The following SPTAN1 variants were observed in gnomAD, a reference collection of about 807,000 sequenced individuals.
The protein encoded by SPTAN1 is spectrin alpha, non-erythrocytic 1.
Under a neutral mutation model 331.3 loss-of-function variants are expected in SPTAN1, and 61 were observed. That is an observed-to-expected ratio of 0.18 (90% CI 0.15 to 0.23). The LOEUF (loss-of-function observed/expected upper bound fraction) is 0.23. Ranked by LOEUF, SPTAN1 falls within the 10% of genes least tolerant of loss-of-function variation. SPTAN1 has a pLI of 1.00. For synonymous variants in SPTAN1, 1,153 were observed against 1,173.9 expected (o/e 0.98, Z 0.36); for missense variants, 2,043 against 3,147.9 (o/e 0.65, Z 8.40).
chr9:128,584,546 TA>T (rs779728504), intron 17 of SPTAN1, 21 bp downstream of exon 17: 2 of 1,613,926 alleles, frequency 1.2e-6, no homozygotes. Context: ...TTCCCTCAGG[TA>T]GGAATCAACT....
Position 128,633,259 on chromosome 9 carries a change from C to T in SPTAN1, c.7359C>T (p.Tyr2453=), listed in dbSNP as rs138634476. The part of the protein sequence containing the change: ...ADYCVSHMKP[Y]VDGKGRELPT... Reference sequence around the variant, plus strand: ...ACTGCGTCTCCCACATGAAGCCCTACGTGGACGGCAAGGGCCGCGAGCTCC... The same window carrying T: ...ACTGCGTCTCCCACATGAAGCCCTATGTGGACGGCAAGGGCCGCGAGCTCC... Residue 2453 remains tyrosine (Y), a synonymous_variant, in exon 57 of 57, where the codon TAC becomes TAT. Transcript: ENST00000372739. 2.7e-4 allele frequency: 432 copies of T among 1,614,068 alleles called. 1 individual carries two copies. Among genetic ancestry groups the T allele is most frequent in the Middle Eastern group, 8.2e-4 (5 of 6,062 alleles).
chr9:128,603,066 C>T (rs888843415), intron 27 of SPTAN1, among the ~76,000 whole-genome samples: 10 of 152,156 alleles, frequency 6.6e-5, no homozygotes, highest in Admixed American at 2.0e-4. Flanking sequence ...AAGCCGTTGC[C>T]CTTCAACGGG....
chr9:128,591,438 G>A lies in SPTAN1; in HGVS notation c.3007-39G>A, dbSNP rs199983545. On this transcript the variant is annotated intron_variant, in intron 21 of 56. Transcript: ENST00000372739. Reference sequence around the variant, plus strand: ...ACCTCCTTGGATTCTCCCTCTCAGAGAAGGAATTTACTTTCAGTTCTCCCT... The same window carrying A: ...ACCTCCTTGGATTCTCCCTCTCAGAAAAGGAATTTACTTTCAGTTCTCCCT... 64 of 1,613,648 alleles carry A rather than the reference G, an allele frequency of 4.0e-5. 1 individual carries two copies. The East Asian group carries it at 1.4e-3, about 35-fold the overall frequency.
At position 128,625,627 on chromosome 9, in the gene SPTAN1, A is replaced by C; in HGVS notation, c.6070-142A>C. On this transcript the variant is annotated intron_variant, in intron 47 of 56. Transcript: ENST00000372739. The surrounding 1 kb of genome is among the most constrained non-coding windows in gnomAD (Gnocchi z 4.1). ...TCTGAAGGAGAGCAGGAAAGGGGGC[A>C]TGTGTGACTGAGTCTCAGCAGTGTC... is the stretch of plus-strand genomic sequence containing the variant. 5.0e-6 allele frequency: 4 copies of C among 793,594 alleles called. No individual in the cohort carries two copies. The highest frequency in any genetic ancestry group is 8.7e-6 in the Non-Finnish European group (4 of 459,366). The allele number at this position is 793,594 out of a possible 1,614,324, so 49.2% of individuals were successfully genotyped here.
chr9:128,611,673 A>G (rs751993867), intron 37 of SPTAN1, 41 bp from the exon 38 acceptor site: 1 of 1,611,176 alleles, frequency 6.2e-7, no homozygotes, highest in Non-Finnish European at 8.5e-7. Context: ...GACATAACCT[A>G]GCAGGAACTG....
chr9:128,616,357 T>G (rs1353453060), intron 41 of SPTAN1, among the ~76,000 whole-genome samples: 1 of 151,420 alleles, frequency 6.6e-6, no homozygotes, highest in Non-Finnish European at 1.5e-5. Context: ...TCACCTGACC[T>G]CAAGTGATCC....
chr9:128,626,645 G>A lies in SPTAN1; in HGVS notation c.6534G>A (p.Glu2178=), dbSNP rs370113838. 35 of 1,613,296 alleles carry A rather than the reference G, an allele frequency of 2.2e-5. No individual in the cohort carries two copies. The highest frequency in any genetic ancestry group is 3.3e-5 in the South Asian group (3 of 91,024). Residue 2178 remains glutamate, a synonymous_variant, in exon 49 of 57, where the codon GAG becomes GAA. Coordinates refer to ENST00000372739, the MANE Select transcript of SPTAN1 (RefSeq NM_001130438.3). Reference sequence around the variant, plus strand: ...ACCCCTACACCTGGTTTACCATGGAGGCCCTGGAGGAGACCTGGAGGAACC... The same window carrying A: ...ACCCCTACACCTGGTTTACCATGGAAGCCCTGGAGGAGACCTGGAGGAACC... ...ASNPYTWFTM[E]ALEETWRNLQ... is the part of the protein sequence containing the mutation.
intron 45 of SPTAN1, among the ~76,000 whole-genome samples, chr9:128,623,122 C>T (rs1233843166): frequency 1.3e-5 from 2 of 152,076 alleles, no homozygotes; most frequent in Non-Finnish European, 1.5e-5. Flanking sequence ...GTGGCACGAT[C>T]TCGGCTCACT....
chr9:128,622,606 C>T (rs1858050169), intron 45 of SPTAN1, among the ~76,000 whole-genome samples: 1 of 151,644 alleles, frequency 6.6e-6, no homozygotes, highest in Non-Finnish European at 1.5e-5. Flanking sequence ...GCCAGCGAGC[C>T]GGCTGCTTTG....
intron 26 of SPTAN1, chr9:128,599,482 G>T (rs372552458): frequency 2.6e-4 from 39 of 151,468 alleles, no homozygotes; most frequent in South Asian, 8.6e-4. Flanking sequence ...AAAAAAGTTG[G>T]TTTTTTTTTT....
intron 26 of SPTAN1, 162 bp downstream of exon 26, chr9:128,599,148 T>C: frequency 1.3e-6 from 1 of 772,664 alleles, no homozygotes; most frequent in Non-Finnish European, 2.3e-6. Context: ...GATTTCTTTT[T>C]TTTTGAGACG....
At chr9:128,571,534 G>A (rs552613874) in intron 3 of SPTAN1, among the ~76,000 whole-genome samples, 11 of 152,288 alleles carry the variant, frequency 7.2e-5, no homozygotes, top group Middle Eastern at 3.4e-3. Context: ...GAAGTGAGCC[G>A]AGATCCTGCC....
At chr9:128,621,884 A>G (rs1428474761) in intron 45 of SPTAN1, 1 of 161,678 alleles carries the variant, frequency 6.2e-6, no homozygotes, top group Non-Finnish European at 1.4e-5. Context: ...GACTGAAGGC[A>G]GTGTGTCCGT....
Position 128,625,675 on chromosome 9 carries a change from C to G in SPTAN1, c.6070-94C>G. 8.3e-7 allele frequency: 1 copy of G among 1,205,138 alleles called. No individual in the cohort carries two copies. The allele number at this position is 1,205,138 out of a possible 1,614,324, so 74.7% of individuals were successfully genotyped here. A position where few individuals can be genotyped will look rare whatever the true frequency, so the allele number is the denominator to read the frequency against. Reference sequence around the variant, plus strand: ...GTCCAGGTGGACAGTTTGGCTTGGGCATCTGGGGGACATGCTGGTGCCATC... The same window carrying G: ...GTCCAGGTGGACAGTTTGGCTTGGGGATCTGGGGGACATGCTGGTGCCATC... On this transcript the variant is annotated intron_variant, in intron 47 of 56. Coordinates refer to ENST00000372739, the MANE Select transcript of SPTAN1 (RefSeq NM_001130438.3). This position sits in a 1 kb window ranked among gnomAD's most constrained non-coding sequence, Gnocchi z 4.1.
intron 37 of SPTAN1, among the ~76,000 whole-genome samples, chr9:128,610,768 C>T (rs1856475640): frequency 6.6e-6 from 1 of 152,100 alleles, no homozygotes; most frequent in Admixed American, 6.6e-5. Flanking sequence ...CTTTCATTTC[C>T]CAGTAAAATA....
chr9:128,571,081 A>C (rs1375541477), intron 3 of SPTAN1, among the ~76,000 whole-genome samples: 1 of 152,166 alleles, frequency 6.6e-6, no homozygotes, highest in African/African-American at 2.4e-5. Context: ...TGAGCTCAGG[A>C]GTTCAAAACC....
Position 128,625,897 on chromosome 9 carries a change from C to G in SPTAN1, c.6198C>G (p.Leu2066=), listed in dbSNP as rs138305416. The G allele has an allele frequency of 9.9e-6, 16 of 1,614,232 alleles. No individual in the cohort carries two copies. The highest frequency in any genetic ancestry group is 1.3e-5 in the Non-Finnish European group (15 of 1,180,044). Residue 2066 remains leucine (L), a synonymous_variant, in exon 48 of 57, where the codon CTC becomes CTG. Coordinates refer to ENST00000372739, the MANE Select transcript of SPTAN1 (RefSeq NM_001130438.3). This position sits in a 1 kb window ranked among gnomAD's most constrained non-coding sequence, Gnocchi z 4.1. ...CCATCGAGGCCCGGCACGCCTCCCTCATGAAGAGGTGGAGCCAGCTTCTGG... is the reference window on the plus strand; with the variant it reads ...CCATCGAGGCCCGGCACGCCTCCCTGATGAAGAGGTGGAGCCAGCTTCTGG... ...SKAIEARHAS[L]MKRWSQLLAN... is the part of the protein sequence containing the mutation.
At chr9:128,606,570 G>A (rs530807829) in intron 31 of SPTAN1, among the ~76,000 whole-genome samples, 7 of 149,718 alleles carry the variant, frequency 4.7e-5, no homozygotes, top group Admixed American at 2.7e-4. Context: ...CGCAACCTCC[G>A]CCTCCTGGGT....
In SPTAN1 at chr9:128,582,686, T is replaced by C. The variant is rs751909640; in HGVS notation, c.1651-8T>C. On this transcript the variant is annotated splice_region_variant and splice_polypyrimidine_tract_variant and intron_variant, in intron 13 of 56. Coordinates refer to ENST00000372739, the MANE Select transcript of SPTAN1 (RefSeq NM_001130438.3). ...ACTAGAGACTCACAGGGGATCCTTG[T>C]CTTTCAGCTGTTGAGCCGCCGCAAT... 1 of 1,612,946 alleles carries C rather than the reference T, an allele frequency of 6.2e-7. No individual in the cohort carries two copies. The highest frequency in any genetic ancestry group is 1.1e-5 in the South Asian group (1 of 91,086).
Sources: gnomAD v4.1 joint callset for allele counts (sites outside exome capture counted in the v4.1 genomes callset) on GRCh38, gnomAD v4.1.1 for gene constraint, Gnocchi (gnomAD v3.1) non-coding constraint, MANE v1.5 for transcripts, NCBI Gene and HGNC (gene_info 2026-07-23, HGNC 2026-07-21) for gene names.